TACC1: variants seen among roughly 807,000 people sequenced by gnomAD.
The protein encoded by TACC1 is transforming acidic coiled-coil-containing protein 1.
A neutral mutation model predicts 84.4 loss-of-function variants in TACC1; 48 were observed. That is an observed-to-expected ratio of 0.57 (90% CI 0.45 to 0.72). The LOEUF (loss-of-function observed/expected upper bound fraction) is 0.72, where lower values mean the gene tolerates loss of function less well. Ranked by LOEUF, TACC1 falls within the 30% of genes least tolerant of loss-of-function variation. The pLI is 0.00. For missense variants in TACC1, 920 were observed against 973.0 expected, an observed-to-expected ratio of 0.95 and a Z score of 0.72; for synonymous variants, 372 against 376.3, an observed-to-expected ratio of 0.99 and a Z score of 0.13.
chr8:38,810,881 C>T (rs1823939454), intron 2 of TACC1, among the ~76,000 whole-genome samples: 1 of 152,124 alleles, frequency 6.6e-6, no homozygotes. Flanking sequence ...CTCTGGGAGA[C>T]TGAAGTAGGA....
chr8:38,761,241 G>A (rs2151815666), intron 3 of TACC1, among the ~76,000 whole-genome samples: 1 of 152,298 alleles, frequency 6.6e-6, no homozygotes, highest in South Asian at 2.1e-4. Flanking sequence ...TTTGTGGAGA[G>A]ATTTGAAGTA....
chr8:38,836,253 A>G lies in TACC1; in HGVS notation c.1805A>G (p.Asp602Gly). 2 of 1,612,282 alleles carry G rather than the reference A, an allele frequency of 1.2e-6. No homozygotes were observed. The highest frequency in any genetic ancestry group is 1.7e-6 in the Non-Finnish European group (2 of 1,179,846). Residue 602 changes from aspartate (D) to glycine (G), a missense_variant, in exon 7 of 13, where the codon GAC (aspartate) becomes GGC (glycine). This residue lies in a region of TACC1 where 762 missense variants were observed against 747.3 expected (regional missense o/e 1.02). Transcript: ENST00000317827. ...PLDGICLSESDKTAVLTLIRE... is the reference protein window; with the variant it reads ...PLDGICLSESGKTAVLTLIRE... ...GATGGGATCTGCCTCAGCGAATCAG[A>G]CAAGACAGCCGTGCTCACCTTAATA... is the stretch of plus-strand genomic sequence containing the variant.
At chr8:38,832,947 T>C (rs1829554630) in intron 6 of TACC1, among the ~76,000 whole-genome samples, 1 of 152,234 alleles carries the variant, frequency 6.6e-6, no homozygotes, top group African/African-American at 2.4e-5. Flanking sequence ...CTGTTGTCTA[T>C]AGACTGGTCT....
At chr8:38,837,067 C>G (rs929934897) in intron 7 of TACC1, among the ~76,000 whole-genome samples, 28 of 146,362 alleles carry the variant, frequency 1.9e-4, no homozygotes, top group African/African-American at 6.3e-4. Flanking sequence ...GTCCTGTTTT[C>G]AAAACTTGGG....
In TACC1 at chr8:38,847,972, A is replaced by G; in HGVS notation, c.2367A>G (p.Glu789=). The G allele has an allele frequency of 3.1e-6, 5 of 1,614,092 alleles. No individual in the cohort carries two copies. The highest frequency in any genetic ancestry group is 4.2e-6 in the Non-Finnish European group (5 of 1,179,960). ...ALQQKNQEIE[E]LTKICDELIA... ...TCTTTCAGAACCAAGAAATTGAAGA[A>G]CTGACAAAAATCTGTGATGAGCTGA... Residue 789 remains glutamate, a synonymous_variant, in exon 13 of 13, where the codon GAA becomes GAG. Coordinates refer to ENST00000317827, the MANE Select transcript of TACC1 (RefSeq NM_006283.3).
At chr8:38,794,441 T>C (rs1819496107) in intron 2 of TACC1, among the ~76,000 whole-genome samples, 1 of 152,220 alleles carries the variant, frequency 6.6e-6, no homozygotes, top group African/African-American at 2.4e-5. Flanking sequence ...CCCAACCCAT[T>C]AAATGTCTTT....
At chr8:38,740,803 T>A (rs1362521823) in intron 1 of TACC1, among the ~76,000 whole-genome samples, 1 of 152,352 alleles carries the variant, frequency 6.6e-6, no homozygotes, top group Non-Finnish European at 1.5e-5. Flanking sequence ...TTAGTGCAAT[T>A]CTGATCTTTC....
chr8:38,757,733 C>G (rs1810391812), intron 3 of TACC1, among the ~76,000 whole-genome samples: 1 of 152,092 alleles, frequency 6.6e-6, no homozygotes, highest in Non-Finnish European at 1.5e-5. Flanking sequence ...CTAAAGAGCT[C>G]TGAAACATTC....
rs188316259 is a variant in TACC1, at chr8:38,806,522, C to T, written c.278-13000C>T. 2.2e-4 allele frequency among the ~76,000 whole-genome samples: 33 copies of T among 151,760 alleles called. No individual in the cohort carries two copies. In the East Asian group the frequency reaches 6.4e-3, roughly 29 times the overall value. On this transcript the variant is annotated intron_variant, in intron 2 of 12. Coordinates refer to ENST00000317827, the MANE Select transcript of TACC1 (RefSeq NM_006283.3). ...AGGGAGAGAGAGAGAAAATAAATTC[C>T]ATCCCTCTGTCTTGGGAGGAGAAAG...
rs973436050 is a variant in TACC1, at chr8:38,850,968, G to A, written c.*2945G>A. The A allele has an allele frequency of 8.5e-5, 13 of 152,476 alleles. No individual in the cohort carries two copies. The highest frequency in any genetic ancestry group is 2.9e-4 in the African/African-American group (12 of 41,312). 9.4% of individuals were successfully genotyped at this position (152,476 alleles called of 1,614,324 possible). On this transcript the variant is annotated 3_prime_UTR_variant, in exon 13 of 13. Transcript: ENST00000317827. ...CAGTATTTTAAGTGGGGAATGCAACGTGAGGCCAACTGAACAATTCCCCCC... is the reference window on the plus strand; with the variant it reads ...CAGTATTTTAAGTGGGGAATGCAACATGAGGCCAACTGAACAATTCCCCCC...
At chr8:38,730,441 A>T (rs1248471735) in intron 1 of TACC1, among the ~76,000 whole-genome samples, 3 of 152,270 alleles carry the variant, frequency 2.0e-5, no homozygotes, top group African/African-American at 4.8e-5. Context: ...GTAACAGCTA[A>T]TTATTGATCT....
At chr8:38,823,441 T>G (rs1209863934) in intron 3 of TACC1, among the ~76,000 whole-genome samples, 1 of 152,166 alleles carries the variant, frequency 6.6e-6, no homozygotes, top group East Asian at 1.9e-4. Flanking sequence ...CTGAAGTTGA[T>G]AAGGAGTCAT....
chr8:38,792,348 C>T (rs1455938974), intron 2 of TACC1, among the ~76,000 whole-genome samples: 1 of 152,180 alleles, frequency 6.6e-6, no homozygotes, highest in African/African-American at 2.4e-5. Context: ...GACTGGAGTG[C>T]AGTAGTATGA....
At chr8:38,833,465 T>G (rs1829652448) in intron 6 of TACC1, among the ~76,000 whole-genome samples, 3 of 151,934 alleles carry the variant, frequency 2.0e-5, no homozygotes, top group Admixed American at 2.0e-4. Flanking sequence ...CCTGTAAGAG[T>G]TGTTGCATTT....
rs773620921 is a variant in TACC1, at chr8:38,792,943, CT to C, written c.277+4127del. On this transcript the variant is annotated intron_variant, in intron 2 of 12. Transcript: ENST00000317827. The stretch of plus-strand genomic sequence containing the variant: ...TTTATGGAGGACTTAGGGGTTGTGG[CT>C]TTGTGTAGCTGTTTCAGTCACAAAA... 4.5e-3 allele frequency among the ~76,000 whole-genome samples: 689 copies of C among 152,204 alleles called. 2 individuals are homozygous for C. The highest frequency in any genetic ancestry group is 6.2e-3 in the Non-Finnish European group (423 of 68,002).
intron 3 of TACC1, among the ~76,000 whole-genome samples, chr8:38,753,083 C>G (rs926310487): frequency 3.3e-5 from 5 of 152,038 alleles, no homozygotes; most frequent in African/African-American, 1.2e-4. Context: ...ATTAGGGATG[C>G]TGAAGTGTTG....
chr8:38,839,199 T>C (rs1830765640), intron 8 of TACC1: 2 of 368,224 alleles, frequency 5.4e-6, no homozygotes, highest in African/African-American at 2.1e-5. Context: ...CATAATACTT[T>C]TTAAAAATTA....
intron 11 of TACC1, chr8:38,843,647 C>A: frequency 3.9e-6 from 1 of 255,046 alleles, no homozygotes; most frequent in Non-Finnish European, 7.4e-6. Context: ...TTTTTTCTTC[C>A]TATTACAATT....
At chr8:38,777,297 G>A in intron 3 of TACC1, among the ~76,000 whole-genome samples, 1 of 151,384 alleles carries the variant, frequency 6.6e-6, no homozygotes, top group Non-Finnish European at 1.5e-5. Context: ...TCTCTCTCAT[G>A]GAACAGTCCT....
Sources: gnomAD v4.1 joint callset for allele counts (sites outside exome capture counted in the v4.1 genomes callset) on GRCh38, gnomAD v4.1.1 for gene constraint, gnomAD v4.1.1 regional missense constraint, MANE v1.5 for transcripts, NCBI Gene and HGNC (gene_info 2026-07-23, HGNC 2026-07-21) for gene names.